The following LDHA variants were observed in gnomAD, a reference collection of about 807,000 sequenced individuals.
LDHA encodes lactate dehydrogenase A.
In LDHA, 10 loss-of-function variants were observed where a neutral mutation model predicts 36.3. That is an observed-to-expected ratio of 0.28 (90% CI 0.17 to 0.47). LDHA has a LOEUF of 0.47. Ranked by LOEUF, LDHA falls within the 20% of genes least tolerant of loss-of-function variation. The pLI is 0.99. For synonymous variants in LDHA, 110 were observed against 136.7 expected, an observed-to-expected ratio of 0.80 and a Z score of 1.36; for missense variants, 267 against 405.8, an observed-to-expected ratio of 0.66 and a Z score of 2.94.
chr11:18,403,726 G>C lies in LDHA; in HGVS notation c.625G>C (p.Val209Leu). Reference protein sequence around the residue: ...PVWSGMNVAGVSLKTLHPDLG... With the variant: ...PVWSGMNVAGLSLKTLHPDLG... ...ATGGAGTGGAATGAATGTTGCTGGTGTCTCTCTGAAGACTCTGCACCCAGA... is the reference window on the plus strand; with the variant it reads ...ATGGAGTGGAATGAATGTTGCTGGTCTCTCTCTGAAGACTCTGCACCCAGA... Residue 209 changes from valine to leucine, a missense_variant, in exon 6 of 8, where the codon GTC becomes CTC. Val to Leu is a conservative substitution (Grantham distance 32). Transcript: ENST00000422447. 6.2e-7 allele frequency: 1 copy of C among 1,608,210 alleles called. No homozygotes were observed. The highest frequency in any genetic ancestry group is 8.5e-7 in the Non-Finnish European group (1 of 1,174,638).
chr11:18,402,735 A>G, intron 4 of LDHA, 105 bp from the exon 5 acceptor site: 1 of 868,056 alleles, frequency 1.2e-6, no homozygotes. Flanking sequence ...ATTATTATCT[A>G]ATGATCACCT....
chr11:18,407,669 G>A lies in LDHA; in HGVS notation c.*388G>A, dbSNP rs531589202. The A allele has an allele frequency of 5.4e-6, 3 of 555,006 alleles. No homozygotes were observed. In the East Asian group the frequency reaches 1.3e-4, roughly 23 times the overall value. The allele number at this position is 555,006 out of a possible 1,614,324, so 34.4% of individuals were successfully genotyped here. ...TTTTTCCCAGTGAGTCACATCCTGG[G>A]ATCCAGTGTATAAATCCAATATCAT... On this transcript the variant is annotated 3_prime_UTR_variant, in exon 8 of 8. Transcript: ENST00000422447.
Position 18,399,989 on chromosome 11 carries a change from G to A in LDHA, c.244+441G>A, listed in dbSNP as rs11601409. The stretch of plus-strand genomic sequence containing the variant: ...AAGAGCCTGGGAACAATTTCACTTA[G>A]GTGCCTGTGAATATCAAAGTTTCAA... On this transcript the variant is annotated intron_variant, in intron 3 of 7. Coordinates refer to ENST00000422447, the MANE Select transcript of LDHA (RefSeq NM_005566.4). 5.2e-5 allele frequency: 10 copies of A among 192,008 alleles called. 1 individual carries two copies. The highest frequency in any genetic ancestry group is 7.7e-5 in the Non-Finnish European group (7 of 90,898). 11.9% of individuals were successfully genotyped at this position (192,008 alleles called of 1,614,324 possible). A position where few individuals can be genotyped will look rare whatever the true frequency, so the allele number is the denominator to read the frequency against.
chr11:18,405,362 T>A (rs1866648940), intron 6 of LDHA, 87 bp from the exon 7 acceptor site: 17 of 1,340,588 alleles, frequency 1.3e-5, no homozygotes, highest in Admixed American at 1.7e-5. Context: ...TTATTTACTG[T>A]AAAATGTGTA....
In LDHA at chr11:18,400,171, A is replaced by C. The variant is rs1048378848; in HGVS notation, c.244+623A>C. ...CATCCTTTCACACACGAAGTTGAGAATAGGGTAAATAAATGAGCCTGTTCA... is the reference window on the plus strand; with the variant it reads ...CATCCTTTCACACACGAAGTTGAGACTAGGGTAAATAAATGAGCCTGTTCA... On this transcript the variant is annotated intron_variant, in intron 3 of 7. Coordinates refer to ENST00000422447, the MANE Select transcript of LDHA (RefSeq NM_005566.4). 1.7e-5 allele frequency: 3 copies of C among 178,462 alleles called. No individual in the cohort carries two copies. In the East Asian group the frequency reaches 4.3e-4, roughly 26 times the overall value. 11.1% of individuals were successfully genotyped at this position (178,462 alleles called of 1,614,324 possible).
At chr11:18,403,153 T>A in intron 5 of LDHA, 140 bp downstream of exon 5, 1 of 726,782 alleles carries the variant, frequency 1.4e-6, no homozygotes, top group Non-Finnish European at 2.3e-6. Flanking sequence ...TTTTGTATAA[T>A]TATATGTTAA....
chr11:18,396,675 A>T, intron 1 of LDHA, 144 bp from the exon 2 acceptor site: 1 of 1,374,216 alleles, frequency 7.3e-7, no homozygotes, highest in Non-Finnish European at 9.6e-7. Flanking sequence ...GGCAACCATT[A>T]GGTTTTTTCC....
chr11:18,403,630 A>G (rs2134029336), intron 5 of LDHA, 64 bp from the exon 6 acceptor site: 1 of 1,053,050 alleles, frequency 9.5e-7, no homozygotes, highest in South Asian at 1.3e-5. Context: ...AATTAGGAAA[A>G]TGAATCACAA....
At chr11:18,395,695 T>C (rs984448554) in intron 1 of LDHA, among the ~76,000 whole-genome samples, 3 of 152,296 alleles carry the variant, frequency 2.0e-5, no homozygotes, top group Admixed American at 6.5e-5. Context: ...CGTGATACTT[T>C]GGGGATGCAG....
rs1312262032 is a variant in LDHA, at chr11:18,408,273, C to A, written c.*992C>A. On this transcript the variant is annotated 3_prime_UTR_variant, in exon 8 of 8. Coordinates refer to ENST00000422447, the MANE Select transcript of LDHA (RefSeq NM_005566.4). Reference sequence around the variant, plus strand: ...CTTTGGGAAGCCCAGGTGGGCTGATCACTGGAGGCCAGGAATTGGGGACCA... The same window carrying A: ...CTTTGGGAAGCCCAGGTGGGCTGATAACTGGAGGCCAGGAATTGGGGACCA... The A allele has an allele frequency of 4.5e-6, 2 of 443,228 alleles. No individual in the cohort carries two copies. The highest frequency in any genetic ancestry group is 4.5e-6 in the Non-Finnish European group (1 of 222,546). 27.5% of individuals were successfully genotyped at this position (443,228 alleles called of 1,614,324 possible). A position where few individuals can be genotyped will look rare whatever the true frequency, so the allele number is the denominator to read the frequency against.
At chr11:18,401,171 C>T (rs1164078250) in intron 4 of LDHA, 161 bp downstream of exon 4, 12 of 296,958 alleles carry the variant, frequency 4.0e-5, no homozygotes, top group Non-Finnish European at 6.2e-5. Flanking sequence ...TATTTTGAGG[C>T]GGAGTTTTGC....
rs1281719651 is a variant in LDHA at position 18,408,209 on chromosome 11, T to G, written c.*928T>G. On this transcript the variant is annotated 3_prime_UTR_variant, in exon 8 of 8. Transcript: ENST00000422447. ...AGCTGGTAACAATTAAAAACAATCTTAAGGCAGGGTGCAGTGGCTCATGCC... is the reference window on the plus strand; with the variant it reads ...AGCTGGTAACAATTAAAAACAATCTGAAGGCAGGGTGCAGTGGCTCATGCC... 8.8e-6 allele frequency: 4 copies of G among 454,088 alleles called. No individual in the cohort carries two copies. The highest frequency in any genetic ancestry group is 6.9e-4 in the Middle Eastern group (1 of 1,444). The allele number at this position is 454,088 out of a possible 1,614,324, so 28.1% of individuals were successfully genotyped here.
intron 1 of LDHA, 67 bp from the exon 2 acceptor site, chr11:18,396,751 TA>T: frequency 2.0e-6 from 3 of 1,464,492 alleles, no homozygotes; most frequent in South Asian, 1.4e-5. Context: ...TAAAATAGCT[TA>T]AAAAAATCTC....
chr11:18,405,079 A>G (rs543272480), intron 6 of LDHA, among the ~76,000 whole-genome samples: 186 of 152,238 alleles, frequency 1.2e-3, no homozygotes, highest in Middle Eastern at 0.01. Context: ...TAAGGATGCT[A>G]TGTTATCTTG....
chr11:18,398,836 G>C (rs536085659), intron 2 of LDHA: 2 of 159,334 alleles, frequency 1.3e-5, no homozygotes, highest in Non-Finnish European at 2.8e-5. Flanking sequence ...GGATGGTCTC[G>C]ATCTCCTGAC....
chr11:18,405,342 C>T, intron 6 of LDHA, 107 bp from the exon 7 acceptor site: 1 of 1,112,920 alleles, frequency 9.0e-7, no homozygotes, highest in Middle Eastern at 2.1e-4. Flanking sequence ...TATAATGCAA[C>T]ATTGTGGCAT....
rs114901827 is a variant in LDHA at position 18,396,219 on chromosome 11, G to C, written c.-24-600G>C. On this transcript the variant is annotated intron_variant, in intron 1 of 7. Coordinates refer to ENST00000422447, the MANE Select transcript of LDHA (RefSeq NM_005566.4). ...TCGGCTTCGCCCTGCGCGCTGTAATGCGCATGCGCACGCGCACAAGTTCCT... is the reference window on the plus strand; with the variant it reads ...TCGGCTTCGCCCTGCGCGCTGTAATCCGCATGCGCACGCGCACAAGTTCCT... 944 of 283,196 alleles carry C rather than the reference G, an allele frequency of 3.3e-3. 11 individuals carry two copies. Among genetic ancestry groups the C allele is most frequent in the African/African-American group, 0.019 (875 of 46,152 alleles). The allele number at this position is 283,196 out of a possible 1,614,324, so 17.5% of individuals were successfully genotyped here. A position where few individuals can be genotyped will look rare whatever the true frequency, so the allele number is the denominator to read the frequency against.
chr11:18,408,401 T>C lies in LDHA; in HGVS notation c.*1120T>C, dbSNP rs1357597587. ...TCTACTCAAGTTTTCTGCACATTTT[T>C]CTGAAAATACAACTGTGACCCTTAT... On this transcript the variant is annotated 3_prime_UTR_variant, in exon 8 of 8. Transcript: ENST00000422447. 5.7e-6 allele frequency: 2 copies of C among 348,314 alleles called. No homozygotes were observed. Among genetic ancestry groups the C allele is most frequent in the South Asian group, 2.3e-5 (1 of 43,844 alleles). The allele number at this position is 348,314 out of a possible 1,614,324, so 21.6% of individuals were successfully genotyped here.
At chr11:18,401,036 T>C (rs1026146847) in intron 4 of LDHA, 26 bp downstream of exon 4, 1 of 1,540,980 alleles carries the variant, frequency 6.5e-7, no homozygotes, top group African/African-American at 1.4e-5. Context: ...GCATAAAAAT[T>C]GACAAGCTAT....
Sources: allele counts gnomAD v4.1 joint callset (sites outside exome capture counted in the v4.1 genomes callset), GRCh38; gene constraint gnomAD v4.1.1; transcripts MANE v1.5; gene names NCBI Gene and HGNC (gene_info 2026-07-23, HGNC 2026-07-21).